The following CDC42BPA variants were observed in gnomAD, a reference collection of about 807,000 sequenced individuals.
The protein encoded by CDC42BPA is CDC42 binding protein kinase alpha.
Under a neutral mutation model 223.5 loss-of-function variants are expected in CDC42BPA, and 80 were observed. The ratio of observed to expected loss-of-function variants is 0.36; its 90% CI spans 0.30 to 0.43. The LOEUF is 0.43. Ranked by LOEUF, CDC42BPA falls within the 20% of genes least tolerant of loss-of-function variation. CDC42BPA has a pLI of 1.00. For missense variants in CDC42BPA, 1,743 were observed against 2,099.9 expected (o/e 0.83, Z 3.32); for synonymous variants, 694 against 718.6 (o/e 0.97, Z 0.55).
chr1:227,139,652 G>A lies in CDC42BPA; in HGVS notation c.1314C>T (p.Asn438=), dbSNP rs1369365430. 1.2e-6 allele frequency: 2 copies of A among 1,611,894 alleles called. No individual in the cohort carries two copies. The highest frequency in any genetic ancestry group is 2.2e-5 in the East Asian group (1 of 44,812). The change falls in exon 10 of 37, where the codon AAC becomes AAT. Residue 438 remains asparagine (N), a synonymous_variant. Transcript: ENST00000366766. ...DVNVQRTLDN[N]LATEAYERRI... is the part of the protein sequence containing the mutation. ...TTCTTTCATAAGCTTCAGTTGCTAAGTTGTTGTCTAGAGTCCTCTGAACAT... is the reference window on the plus strand; with the variant it reads ...TTCTTTCATAAGCTTCAGTTGCTAAATTGTTGTCTAGAGTCCTCTGAACAT...
intron 11 of CDC42BPA, among the ~76,000 whole-genome samples, chr1:227,126,491 GGAAGGAAGGAAGGAA>G (rs1689636880): frequency 8.3e-6 from 1 of 120,476 alleles, no homozygotes; most frequent in Non-Finnish European, 1.8e-5. Context: ...AAGGAAGGAA[GGAAGGAAGGAAGGAA>G]GGAAGGAAGG....
chr1:227,315,894 G>T (rs183843358), intron 1 of CDC42BPA, among the ~76,000 whole-genome samples: 1 of 144,430 alleles, frequency 6.9e-6, no homozygotes, highest in East Asian at 2.0e-4. Flanking sequence ...AAGTTATTAC[G>T]TGTAGACATT....
chr1:227,178,486 G>T, intron 5 of CDC42BPA: 1 of 153,632 alleles, frequency 6.5e-6, no homozygotes, highest in Non-Finnish European at 1.4e-5. Context: ...CTTGGGGTAT[G>T]TCTTGTCTTT....
intron 5 of CDC42BPA, among the ~76,000 whole-genome samples, chr1:227,179,635 CAA>C (rs59744442): frequency 7.0e-4 from 24 of 34,240 alleles, no homozygotes; most frequent in African/African-American, 2.4e-3. Context: ...GCCTCCATCT[CAA>C]AAAAAAAAAA....
intron 1 of CDC42BPA, among the ~76,000 whole-genome samples, chr1:227,268,843 G>A (rs886363749): frequency 2.0e-5 from 3 of 149,800 alleles, no homozygotes; most frequent in South Asian, 2.1e-4. Flanking sequence ...ATGCTACTAC[G>A]CCTGGCTAAT....
At chr1:227,144,204 T>C (rs1342074059) in intron 8 of CDC42BPA, among the ~76,000 whole-genome samples, 1 of 152,094 alleles carries the variant, frequency 6.6e-6, no homozygotes, top group Non-Finnish European at 1.5e-5. Context: ...TCATATAACA[T>C]TAACATAAAA....
At chr1:227,060,188 C>T (rs1318070815) in intron 21 of CDC42BPA, among the ~76,000 whole-genome samples, 4 of 151,780 alleles carry the variant, frequency 2.6e-5, no homozygotes, top group Non-Finnish European at 5.9e-5. Context: ...CCCACCACCA[C>T]GCCCGGCTAA....
At chr1:227,282,911 T>G (rs1465665394) in intron 1 of CDC42BPA, among the ~76,000 whole-genome samples, 1 of 152,220 alleles carries the variant, frequency 6.6e-6, no homozygotes, top group Non-Finnish European at 1.5e-5. Context: ...CTGAGATGGA[T>G]GATCAGGATG....
At chr1:227,313,489 C>T (rs1693861566) in intron 1 of CDC42BPA, among the ~76,000 whole-genome samples, 1 of 152,106 alleles carries the variant, frequency 6.6e-6, no homozygotes, top group Non-Finnish European at 1.5e-5. Context: ...ATTGTAATTA[C>T]TCATTATCAT....
intron 1 of CDC42BPA, among the ~76,000 whole-genome samples, chr1:227,284,262 T>G (rs951433426): frequency 3.3e-5 from 5 of 152,194 alleles, no homozygotes; most frequent in African/African-American, 9.6e-5. Flanking sequence ...AATGATTTAA[T>G]TTTTTATATT....
intron 2 of CDC42BPA, among the ~76,000 whole-genome samples, chr1:227,218,643 T>C (rs534133492): frequency 2.0e-5 from 3 of 152,314 alleles, no homozygotes; most frequent in African/African-American, 7.2e-5. Context: ...AGAGCTAGTA[T>C]ACTTTACTAC....
chr1:227,261,712 G>A (rs949471018), intron 1 of CDC42BPA, among the ~76,000 whole-genome samples: 1 of 152,070 alleles, frequency 6.6e-6, no homozygotes, highest in Non-Finnish European at 1.5e-5. Context: ...GGGATCATTC[G>A]ATCCACAACG....
intron 31 of CDC42BPA, among the ~76,000 whole-genome samples, chr1:227,024,435 G>A (rs66602251): frequency 0.22 from 32,894 of 152,006 alleles, 3,866 homozygotes; most frequent in African/African-American, 0.26. Flanking sequence ...AACTCCCTAT[G>A]TCCCATCAAT....
At chr1:227,119,212 A>G (rs1688240188) in intron 12 of CDC42BPA, among the ~76,000 whole-genome samples, 1 of 152,124 alleles carries the variant, frequency 6.6e-6, no homozygotes, top group Non-Finnish European at 1.5e-5. Context: ...TGGTTCAAGA[A>G]AAGTGTTTTC....
chr1:227,115,183 A>G (rs1687573640), intron 12 of CDC42BPA, among the ~76,000 whole-genome samples: 1 of 152,140 alleles, frequency 6.6e-6, no homozygotes, highest in South Asian at 2.1e-4. Context: ...GGAAATAAAA[A>G]GCAGCATGCA....
At chr1:227,011,984 T>C (rs1438579745) in intron 34 of CDC42BPA, among the ~76,000 whole-genome samples, 1 of 152,184 alleles carries the variant, frequency 6.6e-6, no homozygotes, top group Non-Finnish European at 1.5e-5. Flanking sequence ...TGAACCTGCT[T>C]TGTAAAAAGA....
In CDC42BPA at chr1:227,069,834, T is replaced by C; in HGVS notation, c.2847A>G (p.Ser949=). 1 of 1,611,610 alleles carries C rather than the reference T, an allele frequency of 6.2e-7. No individual in the cohort carries two copies. The highest frequency in any genetic ancestry group is 8.5e-7 in the Non-Finnish European group (1 of 1,178,138). The change falls in exon 21 of 37, where the codon TCA becomes TCG. Residue 949 remains serine, a synonymous_variant. Coordinates refer to ENST00000366766, the MANE Select transcript of CDC42BPA (RefSeq NM_001394014.1). ...RSEKGIEHQD[S]QHSFLAFLNT... ...TCAAAAATGCCAAGAAAGAATGCTG[T>C]GAGTCTTGGTGCTCTATACCTAGAA... is the stretch of plus-strand genomic sequence containing the variant.
intron 2 of CDC42BPA, among the ~76,000 whole-genome samples, chr1:227,221,857 C>T (rs1675951852): frequency 6.6e-6 from 1 of 151,770 alleles, no homozygotes; most frequent in Admixed American, 6.6e-5. Flanking sequence ...TCCTCAAAGC[C>T]AGCCATAAAA....
intron 2 of CDC42BPA, among the ~76,000 whole-genome samples, chr1:227,224,235 CTTTT>C (rs113833866): frequency 7.0e-6 from 1 of 141,848 alleles, no homozygotes. Context: ...ATGTTTCTTC[CTTTT>C]TTTTTTTTTT....
Sources: gnomAD v4.1 joint callset for allele counts (sites outside exome capture counted in the v4.1 genomes callset) on GRCh38, gnomAD v4.1.1 for gene constraint, MANE v1.5 for transcripts, NCBI Gene and HGNC (gene_info 2026-07-23, HGNC 2026-07-21) for gene names.